The following MYO10 variants were observed in gnomAD, a reference collection of about 807,000 sequenced individuals.
MYO10 encodes unconventional myosin-X.
Under a neutral mutation model 257.3 loss-of-function variants are expected in MYO10, and 133 were observed. That is an observed-to-expected ratio of 0.52 (90% CI 0.45 to 0.60). MYO10 has a LOEUF of 0.60. Ranked by LOEUF, MYO10 falls within the 20% of genes least tolerant of loss-of-function variation. The pLI is 0.00. For missense variants in MYO10, 2,399 were observed against 2,635.7 expected, an observed-to-expected ratio of 0.91 and a Z score of 1.97; for synonymous variants, 1,104 against 1,028.6, an observed-to-expected ratio of 1.07 and a Z score of -1.40.
chr5:16,828,981 G>T (rs925873884), intron 2 of MYO10, among the ~76,000 whole-genome samples: 2 of 152,116 alleles, frequency 1.3e-5, no homozygotes, highest in African/African-American at 4.8e-5. Context: ...CTGTTAGCTG[G>T]ACCCTGGGGA....
chr5:16,675,135 CCTTTGT>C lies in MYO10; in HGVS notation c.4676_4681del (p.Asp1559_Lys1560del). On this transcript the variant is annotated inframe_deletion, in exon 35 of 41. Transcript: ENST00000513610. ...GGCCTCATCCTGAAGGGTGGTATAG[CCTTTGT>C]CTTTGAGCACTAGGACAAGCAAAAC... The C allele has an allele frequency of 6.2e-7, 1 of 1,613,612 alleles. No individual in the cohort carries two copies. Among genetic ancestry groups the C allele is most frequent in the Non-Finnish European group, 8.5e-7 (1 of 1,179,874 alleles).
chr5:16,688,420 C>T (rs1326705696), intron 28 of MYO10, among the ~76,000 whole-genome samples: 2 of 152,082 alleles, frequency 1.3e-5, no homozygotes, highest in African/African-American at 4.8e-5. Flanking sequence ...TTGAAGAATT[C>T]GGCTATTGGA....
At chr5:16,753,164 TG>T (rs1184161158) in intron 19 of MYO10, among the ~76,000 whole-genome samples, 1 of 152,156 alleles carries the variant, frequency 6.6e-6, no homozygotes, top group Non-Finnish European at 1.5e-5. Context: ...TTTTTGTTGT[TG>T]TTGTTTTTGT....
At chr5:16,863,459 G>A (rs957529989) in intron 2 of MYO10, among the ~76,000 whole-genome samples, 2 of 152,150 alleles carry the variant, frequency 1.3e-5, no homozygotes, top group African/African-American at 4.8e-5. Flanking sequence ...GGAACAAGGT[G>A]GGTAACAGAA....
chr5:16,904,988 T>C (rs979479937), intron 1 of MYO10, among the ~76,000 whole-genome samples: 2 of 152,170 alleles, frequency 1.3e-5, no homozygotes, highest in African/African-American at 2.4e-5. Context: ...CTTATTCCTC[T>C]ACCTCCTCAG....
In MYO10 at chr5:16,673,666, A is replaced by T. The variant is rs189068575; in HGVS notation, c.5172+16T>A. On this transcript the variant is annotated intron_variant, in intron 36 of 40. Transcript: ENST00000513610. ...AAAGGCATCTAACAGAACAAGCAGC[A>T]GCTGCCTCTCCTCACCTCCCCAGCG... 6.2e-7 allele frequency: 1 copy of T among 1,609,276 alleles called. No homozygotes were observed. The highest frequency in any genetic ancestry group is 1.1e-5 in the South Asian group (1 of 90,540).
chr5:16,724,878 T>C (rs1488014820), intron 19 of MYO10, among the ~76,000 whole-genome samples: 1 of 152,268 alleles, frequency 6.6e-6, no homozygotes, highest in East Asian at 1.9e-4. Flanking sequence ...GTTTCCTGTG[T>C]CTCCTTCAGG....
chr5:16,836,308 C>T (rs1743311233), intron 2 of MYO10, among the ~76,000 whole-genome samples: 1 of 152,190 alleles, frequency 6.6e-6, no homozygotes, highest in African/African-American at 2.4e-5. Context: ...CAAATGGTCA[C>T]TATTCATATG....
intron 4 of MYO10, among the ~76,000 whole-genome samples, chr5:16,793,447 G>A (rs539035396): frequency 2.0e-5 from 3 of 151,946 alleles, no homozygotes; most frequent in Non-Finnish European, 4.4e-5. Context: ...TCTCAGCCTC[G>A]CAAGTAGCTG....
intron 2 of MYO10, among the ~76,000 whole-genome samples, chr5:16,873,355 G>A (rs868123377): frequency 6.6e-6 from 1 of 152,152 alleles, no homozygotes; most frequent in Non-Finnish European, 1.5e-5. Flanking sequence ...CATGGTCTTG[G>A]GTAGCTCCAC....
At chr5:16,698,267 G>A (rs1579849414) in intron 26 of MYO10, among the ~76,000 whole-genome samples, 2 of 152,200 alleles carry the variant, frequency 1.3e-5, no homozygotes, top group South Asian at 4.1e-4. Flanking sequence ...GAAGGCTGCG[G>A]CAGGAAGATG....
chr5:16,674,838 G>A lies in MYO10; in HGVS notation c.4964+15C>T. 2 of 1,613,290 alleles carry A rather than the reference G, an allele frequency of 1.2e-6. No individual in the cohort carries two copies. The highest frequency in any genetic ancestry group is 1.3e-5 in the African/African-American group (1 of 75,020). On this transcript the variant is annotated intron_variant, in intron 35 of 40. Coordinates refer to ENST00000513610, the MANE Select transcript of MYO10 (RefSeq NM_012334.3). ...CAGCTCTGCCCAGCTCATCTCCCGT[G>A]CCCCCATGCTTTACCTTTTCAGATG...
Position 16,773,279 on chromosome 5 carries a change from C to T in MYO10, c.931-4076G>A, listed in dbSNP as rs1174258398. On this transcript the variant is annotated intron_variant, in intron 9 of 40. Transcript: ENST00000513610. ...TCTAAAAGGTAAAAGCAAAGAAATA[C>T]GGTTAAGAAATACAAATAATTTGTT... Among the ~76,000 whole-genome samples, 6 of 152,000 alleles carry T rather than the reference C, an allele frequency of 3.9e-5. 1 individual carries two copies. In the South Asian group the frequency reaches 1.0e-3, roughly 26 times the overall value.
At chr5:16,776,865 G>T (rs1741228308) in intron 9 of MYO10, among the ~76,000 whole-genome samples, 1 of 152,202 alleles carries the variant, frequency 6.6e-6, no homozygotes, top group African/African-American at 2.4e-5. Context: ...CAGGTGATGG[G>T]ACCTGCAGTG....
At chr5:16,890,671 C>A (rs1745024205) in intron 1 of MYO10, among the ~76,000 whole-genome samples, 1 of 151,552 alleles carries the variant, frequency 6.6e-6, no homozygotes, top group South Asian at 2.1e-4. Flanking sequence ...GAAACCCTAT[C>A]TCCACTAAAA....
chr5:16,873,036 C>T (rs149219372), intron 2 of MYO10, among the ~76,000 whole-genome samples: 2,282 of 152,206 alleles, frequency 0.015, 92 homozygotes, highest in South Asian at 0.14. Context: ...CCAATGGTCC[C>T]CCAAAGTCTT....
At position 16,766,121 on chromosome 5, in the gene MYO10, G is replaced by A. The variant is rs1216395500; in HGVS notation, c.1138C>T (p.Leu380Phe). The A allele has an allele frequency of 3.1e-6, 5 of 1,613,696 alleles. No individual in the cohort carries two copies. The highest frequency in any genetic ancestry group is 4.2e-6 in the Non-Finnish European group (5 of 1,179,746). Residue 380 changes from leucine (L) to phenylalanine (F), a missense_variant, in exon 11 of 41, where the codon CTC becomes TTC. Leu to Phe is a conservative substitution (Grantham distance 22). Coordinates refer to ENST00000513610, the MANE Select transcript of MYO10 (RefSeq NM_012334.3). ...GGCGTGAGGATCTCTTCTCCCCTGA[G>A]GAACATTGATCTCTGGGTCAAAGCA... is the stretch of plus-strand genomic sequence containing the variant. Reference protein sequence around the residue: ...TDALTQRSMFLRGEEILTPLN... With the variant: ...TDALTQRSMFFRGEEILTPLN...
intron 25 of MYO10, among the ~76,000 whole-genome samples, chr5:16,700,232 A>G (rs1048692805): frequency 1.3e-5 from 2 of 152,216 alleles, no homozygotes; most frequent in East Asian, 1.9e-4. Flanking sequence ...TAGTACAAGG[A>G]AAGTTTGCCA....
At chr5:16,781,379 C>T (rs569988334) in intron 6 of MYO10, among the ~76,000 whole-genome samples, 14 of 152,142 alleles carry the variant, frequency 9.2e-5, no homozygotes, top group Non-Finnish European at 1.5e-4. Context: ...TGCGCCTGGC[C>T]GCACAGAATA....
Sources: gnomAD v4.1 joint callset for allele counts (sites outside exome capture counted in the v4.1 genomes callset) on GRCh38, gnomAD v4.1.1 for gene constraint, MANE v1.5 for transcripts, NCBI Gene and HGNC (gene_info 2026-07-23, HGNC 2026-07-21) for gene names.